Variants in PRPF18 observed in about 807,000 individuals in gnomAD.
PRPF18 encodes the protein pre-mRNA-splicing factor 18.
PRPF18 carries 38 observed loss-of-function variants against 46.5 expected under a neutral mutation model. The ratio of observed to expected loss-of-function variants is 0.82; its 90% confidence interval spans 0.63 to 1.07. PRPF18 has a LOEUF of 1.07. PRPF18 is among the 50% of genes least tolerant of loss of function. The pLI is 0.00. For missense variants in PRPF18, 263 were observed against 410.0 expected (o/e 0.64, Z 3.10); for synonymous variants, 152 against 146.7 (o/e 1.04, Z -0.26).
At chr10:13,645,227 A>C in the PRPF18 span, 1 of 151,672 alleles carries the variant, frequency 6.6e-6, no homozygotes, top group South Asian at 2.1e-4. Flanking sequence ...AAAAGCGAAG[A>C]TTTTTCTTTG....
At chr10:13,604,393 G>A (rs1320688050) in intron 3 of PRPF18, among the ~76,000 whole-genome samples, 3 of 152,146 alleles carry the variant, frequency 2.0e-5, no homozygotes, top group African/African-American at 7.2e-5. Flanking sequence ...TATGAACCAT[G>A]TTAGGGCAAT....
chr10:13,595,495 A>G (rs2080022144), intron 1 of PRPF18, among the ~76,000 whole-genome samples: 1 of 152,252 alleles, frequency 6.6e-6, no homozygotes, highest in African/African-American at 2.4e-5. Flanking sequence ...ACAATTTTAG[A>G]TGCCGAAATA....
chr10:13,602,759 G>C (rs932998412), intron 3 of PRPF18, among the ~76,000 whole-genome samples: 1 of 152,134 alleles, frequency 6.6e-6, no homozygotes, highest in Admixed American at 6.5e-5. Context: ...TTGAGACAAA[G>C]TCTCACTGTG....
intron 2 of PRPF18, 54 bp downstream of exon 2, chr10:13,597,589 C>T: frequency 1.9e-6 from 3 of 1,595,544 alleles, no homozygotes; most frequent in African/African-American, 1.3e-5. Flanking sequence ...TAAATTTATA[C>T]AGCTGTTGTT....
At chr10:13,611,728 G>T in intron 6 of PRPF18, 45 bp downstream of exon 6, 1 of 1,538,634 alleles carries the variant, frequency 6.5e-7, no homozygotes, top group South Asian at 1.1e-5. Flanking sequence ...GGATCCTTAT[G>T]AACTATTCTT....
In PRPF18 at chr10:13,600,291, A is replaced by G. The variant is rs1362182496; in HGVS notation, c.192A>G (p.Pro64=). 1 of 1,612,924 alleles carries G rather than the reference A, an allele frequency of 6.2e-7. No homozygotes were observed. The highest frequency in any genetic ancestry group is 1.7e-5 in the Admixed American group (1 of 59,874). ...AGAAACCATTAACTTCATCGAATCC[A>G]GTGTTAGAACTTGAACTGGCAGAGG... ...EDQKPLTSSN[P]VLELELAEEK... The change falls in exon 3 of 10, where the codon CCA becomes CCG. Residue 64 remains proline, a synonymous_variant. Transcript: ENST00000378572.
the PRPF18 span, chr10:13,654,122 T>C: frequency 1.1e-5 from 6 of 529,062 alleles, no homozygotes; most frequent in African/African-American, 5.9e-5. Context: ...TGAAATGCTG[T>C]CTGGAAATCT....
intron 1 of PRPF18, among the ~76,000 whole-genome samples, chr10:13,595,143 C>G (rs2080015473): frequency 6.6e-6 from 1 of 152,122 alleles, no homozygotes; most frequent in South Asian, 2.1e-4. Context: ...CCCAAATCCT[C>G]CCCCCATGTT....
rs762197143 is a variant in PRPF18 at position 13,605,670 on chromosome 10, C to G, written c.289C>G (p.Leu97Val). ...GAGAGAAAGAGGAGAACCAATCAGACTATTTGGAGAGACTGATTATGATGC... is the reference window on the plus strand; with the variant it reads ...GAGAGAAAGAGGAGAACCAATCAGAGTATTTGGAGAGACTGATTATGATGC... The part of the protein sequence containing the change: ...RLRERGEPIR[L>V]FGETDYDAFQ... Residue 97 changes from leucine (L) to valine (V), a missense_variant, in exon 4 of 10, where the codon CTA becomes GTA. Leu to Val is a conservative substitution (Grantham distance 32, BLOSUM62 1). This residue lies in a region of PRPF18 where 155 missense variants were observed against 245.1 expected (regional missense o/e 0.63). Coordinates refer to ENST00000378572, the MANE Select transcript of PRPF18 (RefSeq NM_003675.4). 3 of 1,610,678 alleles carry G rather than the reference C, an allele frequency of 1.9e-6. No homozygotes were observed. The highest frequency in any genetic ancestry group is 2.2e-5 in the East Asian group (1 of 44,672).
chr10:13,622,608 C>T (rs372001305), intron 9 of PRPF18, among the ~76,000 whole-genome samples: 19 of 152,208 alleles, frequency 1.2e-4, no homozygotes, highest in South Asian at 8.3e-4. Flanking sequence ...AACTTGTTCT[C>T]GTATAGAAAA....
rs750585303 is a variant in PRPF18, at chr10:13,597,528, G to T, written c.137G>T (p.Gly46Val). 5 of 1,610,836 alleles carry T rather than the reference G, an allele frequency of 3.1e-6. No homozygotes were observed. Among genetic ancestry groups the T allele is most frequent in the Non-Finnish European group, 4.2e-6 (5 of 1,178,194 alleles). Residue 46 changes from glycine (G) to valine (V), a missense_variant, in exon 2 of 10, where the codon GGC becomes GTC. Around this residue, in one of 4 missense-constraint regions of PRPF18, gnomAD observed 71 missense variants for 69.2 expected, o/e 1.03. Coordinates refer to ENST00000378572, the MANE Select transcript of PRPF18 (RefSeq NM_003675.4). ...GAGGAAGCATATTTTGAAAGATGTGGCTACAAGGTATGAATGTCTGCTTTT... is the reference window on the plus strand; with the variant it reads ...GAGGAAGCATATTTTGAAAGATGTGTCTACAAGGTATGAATGTCTGCTTTT... ...KEEEAYFERC[G>V]YKIQPKEEDQ... is the part of the protein sequence containing the mutation.
At chr10:13,641,003 C>T in the PRPF18 span, 2 of 152,366 alleles carry the variant, frequency 1.3e-5, no homozygotes, top group East Asian at 3.9e-4. Context: ...AATCTTAAGG[C>T]CTCTTTCTAC....
In PRPF18 at chr10:13,630,413, A is replaced by G. The variant is rs1589141096; in HGVS notation, c.*73A>G. On this transcript the variant is annotated 3_prime_UTR_variant, in exon 10 of 10. Coordinates refer to ENST00000378572, the MANE Select transcript of PRPF18 (RefSeq NM_003675.4). ...GCTGTGGACTTCTGGAATTACCAACAGGAATGAGGAAAGAAGAAAACTGGA... is the reference window on the plus strand; with the variant it reads ...GCTGTGGACTTCTGGAATTACCAACGGGAATGAGGAAAGAAGAAAACTGGA... The G allele has an allele frequency of 8.2e-7, 1 of 1,219,226 alleles. No individual in the cohort carries two copies. The highest frequency in any genetic ancestry group is 1.2e-6 in the Non-Finnish European group (1 of 853,922). 75.5% of individuals were successfully genotyped at this position (1,219,226 alleles called of 1,614,324 possible).
At chr10:13,603,698 A>G (rs1224779807) in intron 3 of PRPF18, among the ~76,000 whole-genome samples, 1 of 152,220 alleles carries the variant, frequency 6.6e-6, no homozygotes, top group Non-Finnish European at 1.5e-5. Context: ...AGTCATAGAA[A>G]TAAAGCGTCT....
At chr10:13,606,066 G>A (rs528828615) in intron 4 of PRPF18, among the ~76,000 whole-genome samples, 1 of 152,192 alleles carries the variant, frequency 6.6e-6, no homozygotes, top group African/African-American at 2.4e-5. Flanking sequence ...GGGATGATCT[G>A]TGAAGTAAAC....
intron 6 of PRPF18, 105 bp downstream of exon 6, chr10:13,611,788 A>G: frequency 1.1e-6 from 1 of 918,196 alleles, no homozygotes; most frequent in Non-Finnish European, 1.7e-6. Context: ...AAGCCTCAAT[A>G]CACATTTCTC....
In PRPF18 at chr10:13,629,854, A is replaced by G. The variant is rs546265736; in HGVS notation, c.949-406A>G. ...CATAAGGGAGAAGTTATCTCGTTAC[A>G]TACAATGGATGCCTTAGGCTGGGCA... On this transcript the variant is annotated intron_variant, in intron 9 of 9. Transcript: ENST00000378572. 5.4e-4 allele frequency among the ~76,000 whole-genome samples: 82 copies of G among 152,338 alleles called. 1 individual carries two copies. The highest frequency in any genetic ancestry group is 3.4e-3 in the Middle Eastern group (1 of 292).
chr10:13,642,378 T>G, the PRPF18 span: 1 of 152,340 alleles, frequency 6.6e-6, no homozygotes, highest in Non-Finnish European at 1.5e-5. Context: ...TCATCAGTGG[T>G]GACTTCATAT....
At chr10:13,593,547 T>G (rs577417578) in intron 1 of PRPF18, among the ~76,000 whole-genome samples, 61 of 152,304 alleles carry the variant, frequency 4.0e-4, no homozygotes, top group African/African-American at 1.4e-3. Flanking sequence ...CTGCTGTAAA[T>G]GATACCCAGG....
Sources: gnomAD v4.1 joint callset for allele counts (sites outside exome capture counted in the v4.1 genomes callset) on GRCh38, gnomAD v4.1.1 for gene constraint, gnomAD v4.1.1 regional missense constraint, MANE v1.5 for transcripts, NCBI Gene and HGNC (gene_info 2026-07-23, HGNC 2026-07-21) for gene names.